Variants in RBFOX2 observed in about 807,000 individuals in gnomAD.
RBFOX2 encodes the protein RNA binding protein fox-1 homolog 2.
Under a neutral mutation model 49.1 loss-of-function variants are expected in RBFOX2, and 10 were observed. The ratio of observed to expected loss-of-function variants is 0.20; its 90% CI spans 0.13 to 0.35. RBFOX2 has a LOEUF of 0.35. RBFOX2 is among the 10% of genes least tolerant of loss of function. The probability of loss-of-function intolerance (pLI) is 1.00; values close to 1 mark genes in which losing one functional copy is unlikely to be tolerated. For synonymous variants in RBFOX2, 183 were observed against 187.4 expected, an observed-to-expected ratio of 0.98 and a Z score of 0.19; for missense variants, 323 against 486.9, an observed-to-expected ratio of 0.66 and a Z score of 3.17.
chr22:35,981,129 T>C (rs1199350532), intron 1 of RBFOX2, among the ~76,000 whole-genome samples: 1 of 152,196 alleles, frequency 6.6e-6, no homozygotes, highest in East Asian at 1.9e-4. Flanking sequence ...GTAGTAATTA[T>C]TATCTTCATT....
intron 1 of RBFOX2, among the ~76,000 whole-genome samples, chr22:35,811,734 T>TG (rs1243362105): frequency 6.6e-6 from 1 of 151,788 alleles, no homozygotes; most frequent in Non-Finnish European, 1.5e-5. Context: ...GAGGCTGAGA[T>TG]GGGAGGACTG....
intron 1 of RBFOX2, among the ~76,000 whole-genome samples, chr22:35,922,116 G>A (rs532756880): frequency 8.8e-4 from 134 of 152,190 alleles, no homozygotes; most frequent in Non-Finnish European, 1.6e-3. Flanking sequence ...CTCCAAACAG[G>A]TTAATTGTTT....
At chr22:35,912,190 T>C (rs1442606240) in intron 1 of RBFOX2, among the ~76,000 whole-genome samples, 1 of 152,228 alleles carries the variant, frequency 6.6e-6, no homozygotes, top group Non-Finnish European at 1.5e-5. Flanking sequence ...TATACTTCTC[T>C]TATATGAATC....
In RBFOX2 at chr22:35,840,183, A is replaced by G. The variant is rs762084413; in HGVS notation, c.27+9T>C. The G allele has an allele frequency of 7.4e-6, 12 of 1,613,870 alleles. No homozygotes were observed. The East Asian group carries it at 1.8e-4, about 24-fold the overall frequency. ...GAAAAGAAACATGCCGAGGAAGCAC[A>G]AATCTTACCTGAGTTACCATTTTCT... On this transcript the variant is annotated intron_variant, in intron 1 of 11. Transcript: ENST00000405409.
At chr22:35,996,466 A>C (rs1007694788) in intron 1 of RBFOX2, 1 of 152,216 alleles carries the variant, frequency 6.6e-6, no homozygotes, top group African/African-American at 2.4e-5. Flanking sequence ...TCAGCCAGGC[A>C]TGGTGGCAAG....
intron 1 of RBFOX2, among the ~76,000 whole-genome samples, chr22:35,926,580 C>A (rs1396168823): frequency 6.6e-6 from 1 of 152,178 alleles, no homozygotes; most frequent in Non-Finnish European, 1.5e-5. Context: ...ACAATCCCAG[C>A]AACCCTAAAC....
chr22:35,813,951 T>C (rs1952441674), intron 1 of RBFOX2, among the ~76,000 whole-genome samples: 1 of 152,220 alleles, frequency 6.6e-6, no homozygotes, highest in Non-Finnish European at 1.5e-5. Context: ...AGAATCAACA[T>C]TTACATGCTT....
At chr22:35,966,430 G>T (rs977072276), upstream of RBFOX2, among the ~76,000 whole-genome samples, 1 of 152,148 alleles carries the variant, frequency 6.6e-6, no homozygotes, top group African/African-American at 2.4e-5. Flanking sequence ...TTCCAAAGTT[G>T]TACCAATTTA....
intron 1 of RBFOX2, among the ~76,000 whole-genome samples, chr22:35,929,490 T>G (rs1325477496): frequency 6.6e-6 from 1 of 152,062 alleles, no homozygotes; most frequent in Admixed American, 6.5e-5. Context: ...GATACATCAC[T>G]ATAATGAAAT....
intron 1 of RBFOX2, among the ~76,000 whole-genome samples, chr22:35,832,774 G>A (rs752629242): frequency 3.3e-5 from 5 of 152,192 alleles, no homozygotes; most frequent in Non-Finnish European, 5.9e-5. Flanking sequence ...GCAGATTGCA[G>A]TGAGCCAAGA....
intron 1 of RBFOX2, among the ~76,000 whole-genome samples, chr22:36,015,534 G>C (rs1422585929): frequency 6.6e-6 from 1 of 152,194 alleles, no homozygotes; most frequent in Non-Finnish European, 1.5e-5. Context: ...AAGCTTTGTG[G>C]ATGTTGGGAG....
intron 1 of RBFOX2, among the ~76,000 whole-genome samples, chr22:36,025,795 G>A (rs181326333): frequency 2.2e-4 from 34 of 152,284 alleles, no homozygotes; most frequent in African/African-American, 7.5e-4. Context: ...TTGGGAGGCC[G>A]AGGTGGGTGG....
chr22:35,826,118 G>A (rs533696960), intron 1 of RBFOX2, among the ~76,000 whole-genome samples: 5 of 150,014 alleles, frequency 3.3e-5, no homozygotes. Context: ...GAGGCAGATG[G>A]ATCACTGAGG....
intron 1 of RBFOX2, among the ~76,000 whole-genome samples, chr22:35,933,981 A>T (rs1470599912): frequency 6.8e-6 from 1 of 146,146 alleles, no homozygotes; most frequent in East Asian, 2.0e-4. Flanking sequence ...AAATTAGAAA[A>T]TTTCCTTGAA....
chr22:35,920,485 T>C (rs550428844), intron 1 of RBFOX2, among the ~76,000 whole-genome samples: 1 of 152,328 alleles, frequency 6.6e-6, no homozygotes, highest in African/African-American at 2.4e-5. Flanking sequence ...TGTTTTCTTA[T>C]TTCTGGGCTC....
chr22:35,776,509 C>A (rs1424648531), intron 4 of RBFOX2, among the ~76,000 whole-genome samples: 2 of 152,152 alleles, frequency 1.3e-5, no homozygotes, highest in African/African-American at 2.4e-5. Context: ...TAGAACAGCA[C>A]ATACATTTTT....
chr22:35,974,699 AAC>A lies in RBFOX2; in HGVS notation c.187-35804_187-35803del, dbSNP rs1569516272. 7.9e-5 allele frequency among the ~76,000 whole-genome samples: 12 copies of A among 152,196 alleles called. No individual in the cohort carries two copies. In the South Asian group the frequency reaches 2.3e-3, roughly 29 times the overall value. On this transcript the variant is annotated intron_variant, in intron 1 of 13. Coordinates refer to the RBFOX2 transcript ENST00000438146. ...GAGACTCCGTATCAAAAACAAAAACAACAACAACAACAAAAACAGGCTAGAGC... is the reference window on the plus strand; with the variant it reads ...GAGACTCCGTATCAAAAACAAAAACAAACAACAACAAAAACAGGCTAGAGC...
chr22:35,797,048 G>A (rs554950897), intron 2 of RBFOX2, among the ~76,000 whole-genome samples: 1 of 152,034 alleles, frequency 6.6e-6, no homozygotes, highest in East Asian at 1.9e-4. Flanking sequence ...ATTTACTTAG[G>A]AGACATAGCA....
Position 35,924,721 on chromosome 22 carries a change from C to T in RBFOX2, c.-34+14126G>A, listed in dbSNP as rs527482342. On this transcript the variant is annotated intron_variant, in intron 1 of 13. Transcript: ENST00000359369. The stretch of plus-strand genomic sequence containing the variant: ...GAAGTTGAGTTTATTTAATTTATCC[C>T]GTTACCACACTTTACCAAATTCATA... Among the ~76,000 whole-genome samples, 3 of 152,302 alleles carry T rather than the reference C, an allele frequency of 2.0e-5. No homozygotes were observed. In the South Asian group the frequency reaches 6.2e-4, roughly 32 times the overall value.
Sources: gnomAD v4.1 joint callset for allele counts (sites outside exome capture counted in the v4.1 genomes callset) on GRCh38, gnomAD v4.1.1 for gene constraint, MANE v1.5 for transcripts, NCBI Gene and HGNC (gene_info 2026-07-23, HGNC 2026-07-21) for gene names.